The following IL7 variants were observed in gnomAD, a reference collection of about 807,000 sequenced individuals.
The protein encoded by IL7 is interleukin 7, also known as interleukin-7.
IL7 carries 3 observed loss-of-function variants against 21.6 expected under a neutral mutation model. The ratio of observed to expected loss-of-function variants is 0.14; its 90% CI spans 0.06 to 0.36. IL7 has a LOEUF of 0.36. Ranked by LOEUF, IL7 falls within the 10% of genes least tolerant of loss-of-function variation. The pLI, the probability that IL7 is intolerant of heterozygous loss-of-function variation, is 1.00. For synonymous variants in IL7, 62 were observed against 68.1 expected, an observed-to-expected ratio of 0.91 and a Z score of 0.44; for missense variants, 175 against 200.2, an observed-to-expected ratio of 0.87 and a Z score of 0.76.
At chr8:78,752,992 C>T (rs1401474651) in intron 2 of IL7, among the ~76,000 whole-genome samples, 1 of 152,122 alleles carries the variant, frequency 6.6e-6, no homozygotes, top group African/African-American at 2.4e-5. Flanking sequence ...TCCAGTCTAA[C>T]ATTGATGGGC....
chr8:78,804,451 TC>T (rs898632018), intron 1 of IL7, among the ~76,000 whole-genome samples: 6 of 152,198 alleles, frequency 3.9e-5, no homozygotes, highest in Non-Finnish European at 8.8e-5. Flanking sequence ...TAAAAGCGCG[TC>T]CCGTGGGAGC....
intron 2 of IL7, among the ~76,000 whole-genome samples, chr8:78,748,389 G>T (rs973382823): frequency 6.6e-6 from 1 of 152,290 alleles, no homozygotes; most frequent in Admixed American, 6.5e-5. Context: ...TACATGAATA[G>T]ATTTGAGAAA....
downstream of IL7, among the ~76,000 whole-genome samples, chr8:78,713,385 T>C (rs1261818668): frequency 6.6e-6 from 1 of 152,064 alleles, no homozygotes; most frequent in Non-Finnish European, 1.5e-5. Context: ...GTTACCGATA[T>C]GGTGACATTA....
chr8:78,788,635 C>T (rs1035973921), intron 2 of IL7, among the ~76,000 whole-genome samples: 4 of 152,078 alleles, frequency 2.6e-5, no homozygotes, highest in African/African-American at 9.7e-5. Context: ...GTGTGTTTTA[C>T]GGCTCAGTAC....
intron 3 of IL7, among the ~76,000 whole-genome samples, chr8:78,725,847 A>T (rs1811331143): frequency 6.6e-6 from 1 of 152,070 alleles, no homozygotes; most frequent in African/African-American, 2.4e-5. Flanking sequence ...AGTAAATGTT[A>T]TGAATTATTT....
chr8:78,680,732 T>C (rs1585985274), intron 4 of IL7, among the ~76,000 whole-genome samples: 1 of 152,122 alleles, frequency 6.6e-6, no homozygotes, highest in African/African-American at 2.4e-5. Context: ...AGAGGAGGTA[T>C]AGGAAATTGC....
intron 5 of IL7, 123 bp from the exon 6 acceptor site, chr8:78,733,955 G>A: frequency 1.6e-6 from 1 of 638,528 alleles, no homozygotes. Flanking sequence ...GTAGAATCCT[G>A]TGTGACATTT....
At position 78,681,334 on chromosome 8, in the gene IL7, CTAT is replaced by C. The variant is rs138617795; in HGVS notation, n.273+4552_273+4554del. ...ATTAGCTCAGCATTGATAAAAGATA[CTAT>C]GAGAAAAAAGGTAGAAAAGAACAGC... On this transcript the variant is annotated intron_variant and non_coding_transcript_variant, in intron 4 of 4. Coordinates refer to the IL7 transcript ENST00000523959. Among the ~76,000 whole-genome samples, 39 of 152,016 alleles carry C rather than the reference CTAT, an allele frequency of 2.6e-4. 1 individual carries two copies. The highest frequency in any genetic ancestry group is 9.4e-4 in the African/African-American group (39 of 41,482).
rs754939312 is a variant in IL7, at chr8:78,738,551, A to G, written c.313T>C (p.Leu105=). 8.1e-6 allele frequency: 13 copies of G among 1,613,642 alleles called. No homozygotes were observed. The African/African-American group carries it at 1.3e-4, about 17-fold the overall frequency. Residue 105 remains leucine, a synonymous_variant, in exon 4 of 6, where the codon TTA becomes CTA. Transcript: ENST00000263851. ...NSTGDFDLHL[L]KVSEGTTILL... ...ATTGTTGTGCCTTCTGAAACTTTTA[A>G]TAAGTGGAGATCAAAATCACCAGTG...
chr8:78,759,453 A>G (rs1812472848), intron 2 of IL7, among the ~76,000 whole-genome samples: 1 of 152,040 alleles, frequency 6.6e-6, no homozygotes. Flanking sequence ...GTCAGTATCC[A>G]TGGCCTCTGA....
intron 2 of IL7, among the ~76,000 whole-genome samples, chr8:78,791,770 TC>T (rs1813702339): frequency 6.6e-6 from 1 of 152,052 alleles, no homozygotes; most frequent in African/African-American, 2.4e-5. Flanking sequence ...ACTCTTAAGC[TC>T]CCCACCACTT....
At chr8:78,762,482 G>GC in intron 2 of IL7, 3 of 1,429,006 alleles carry the variant, frequency 2.1e-6, no homozygotes, top group Admixed American at 2.5e-5. Flanking sequence ...CCTCCTCAGG[G>GC]CAGTCCGCCC....
In IL7 at chr8:78,696,480, G is replaced by A. The variant is rs563975660; in HGVS notation, n.215-10533C>T. Among the ~76,000 whole-genome samples, 322 of 152,312 alleles carry A rather than the reference G, an allele frequency of 2.1e-3. 2 individuals are homozygous for A. The highest frequency in any genetic ancestry group is 0.014 in the Middle Eastern group (4 of 294). Reference sequence around the variant, plus strand: ...ATTCCTGCTCTGCTGTGAAGTTGGGGCATAACCCTGGGCAAGTTCATTTCT... The same window carrying A: ...ATTCCTGCTCTGCTGTGAAGTTGGGACATAACCCTGGGCAAGTTCATTTCT... On this transcript the variant is annotated intron_variant and non_coding_transcript_variant, in intron 3 of 4. Transcript: ENST00000523959.
intron 3 of IL7, among the ~76,000 whole-genome samples, chr8:78,696,991 A>C (rs1453712241): frequency 6.6e-6 from 1 of 152,154 alleles, no homozygotes; most frequent in African/African-American, 2.4e-5. Flanking sequence ...TGTGAACTGA[A>C]AAAGTTGCTG....
At chr8:78,743,949 A>G (rs564177343) in intron 2 of IL7, among the ~76,000 whole-genome samples, 60 of 152,282 alleles carry the variant, frequency 3.9e-4, no homozygotes, top group East Asian at 1.7e-3. Flanking sequence ...GCAGCCTGCC[A>G]CTTCTTCTAA....
chr8:78,684,823 A>G (rs1327881355), intron 4 of IL7, among the ~76,000 whole-genome samples: 1 of 152,204 alleles, frequency 6.6e-6, no homozygotes, highest in Non-Finnish European at 1.5e-5. Context: ...ACTTCCACAA[A>G]GTAAAAAAAT....
Position 78,684,456 on chromosome 8 carries a change from C to G in IL7, n.273+1433G>C, listed in dbSNP as rs1026902450. Among the ~76,000 whole-genome samples the G allele has an allele frequency of 3.9e-5, 6 of 152,258 alleles. No individual in the cohort carries two copies. In the South Asian group the frequency reaches 8.3e-4, roughly 21 times the overall value. ...ATGGGAGAAACCTGCCCCCGTGATT[C>G]AATTACCTCCTACCGAGTACCCCCA... On this transcript the variant is annotated intron_variant and non_coding_transcript_variant, in intron 4 of 4. Transcript: ENST00000523959.
At chr8:78,717,539 T>A (rs1424982596), downstream of IL7, 5 of 1,532,394 alleles carry the variant, frequency 3.3e-6, no homozygotes, top group Admixed American at 2.2e-5. Context: ...AGTTTATGAT[T>A]ATTGCTGCTT....
At chr8:78,691,623 T>G (rs1190961459) in intron 3 of IL7, among the ~76,000 whole-genome samples, 14 of 152,208 alleles carry the variant, frequency 9.2e-5, no homozygotes, top group Admixed American at 2.0e-4. Flanking sequence ...TTTCTCCTTT[T>G]GTAATTTTTT....
Sources: allele counts gnomAD v4.1 joint callset (sites outside exome capture counted in the v4.1 genomes callset), GRCh38; gene constraint gnomAD v4.1.1; transcripts MANE v1.5; gene names NCBI Gene and HGNC (gene_info 2026-07-23, HGNC 2026-07-21).